The following TAF12 variants were observed in gnomAD, a reference collection of about 807,000 sequenced individuals.
The protein encoded by TAF12 is TATA-box binding protein associated factor 12.
TAF12 carries 3 observed loss-of-function variants against 20.8 expected under a neutral mutation model. The observed-to-expected ratio is 0.14, with a 90% CI of 0.07 to 0.37. The LOEUF (loss-of-function observed/expected upper bound fraction) is 0.37. TAF12 is among the 10% of genes least tolerant of loss of function. The pLI is 1.00. For synonymous variants in TAF12, 69 were observed against 70.2 expected, an observed-to-expected ratio of 0.98 and a Z score of 0.09; for missense variants, 131 against 197.9, an observed-to-expected ratio of 0.66 and a Z score of 2.03.
intron 4 of TAF12, among the ~76,000 whole-genome samples, chr1:28,608,803 T>TG (rs1399654519): frequency 6.6e-6 from 1 of 151,416 alleles, no homozygotes; most frequent in African/African-American, 2.4e-5. Flanking sequence ...CCAGGCGTGG[T>TG]GGGAGGGCGC....
At chr1:28,606,192 T>C (rs938647368) in intron 4 of TAF12, among the ~76,000 whole-genome samples, 5 of 151,796 alleles carry the variant, frequency 3.3e-5, no homozygotes, top group African/African-American at 9.7e-5. Context: ...AGAGATGGGG[T>C]TTCACCATCT....
intron 1 of TAF12, among the ~76,000 whole-genome samples, chr1:28,637,662 C>T (rs567435207): frequency 3.3e-5 from 5 of 152,158 alleles, no homozygotes; most frequent in Non-Finnish European, 7.4e-5. Flanking sequence ...AAGACTCCGT[C>T]TCCAGAAAAA....
At chr1:28,611,337 A>G (rs1257264980) in intron 4 of TAF12, among the ~76,000 whole-genome samples, 1 of 152,138 alleles carries the variant, frequency 6.6e-6, no homozygotes, top group Non-Finnish European at 1.5e-5. Context: ...GGCATCAGAC[A>G]CGGAAGATAT....
At chr1:28,626,597 A>G (rs1667404841) in intron 1 of TAF12, among the ~76,000 whole-genome samples, 1 of 151,330 alleles carries the variant, frequency 6.6e-6, no homozygotes, top group Non-Finnish European at 1.5e-5. Flanking sequence ...AAAAAAAAAA[A>G]AAGCAAATAA....
chr1:28,603,488 G>A lies in TAF12; in HGVS notation c.*51C>T. On this transcript the variant is annotated 3_prime_UTR_variant, in exon 6 of 6. Transcript: ENST00000373824. ...CAAGGATGAGATGGCTGAGTTCTCA[G>A]CTCAAGTATCTCCAAATACATTGCT... The A allele has an allele frequency of 1.2e-6, 2 of 1,602,238 alleles. No individual in the cohort carries two copies. Among genetic ancestry groups the A allele is most frequent in the East Asian group, 4.5e-5 (2 of 44,810 alleles).
At position 28,622,021 on chromosome 1, in the gene TAF12, C is replaced by G; in HGVS notation, c.61G>C (p.Glu21Gln). 1 of 1,613,930 alleles carries G rather than the reference C, an allele frequency of 6.2e-7. No individual in the cohort carries two copies. Among genetic ancestry groups the G allele is most frequent in the South Asian group, 1.1e-5 (1 of 91,058 alleles). The stretch of plus-strand genomic sequence containing the variant: ...CCTTGTGGAGGGGTGCTGGCTGGTT[C>G]CGGTTTTATGGATGAGAAATTGGAG... Reference protein sequence around the residue: ...NLSNFSSIKPEPASTPPQGSM... With the variant: ...NLSNFSSIKPQPASTPPQGSM... The change falls in exon 2 of 6, where the codon GAA (glutamate) becomes CAA (glutamine). Residue 21 changes from glutamate (E) to glutamine (Q), a missense_variant. By Grantham distance (29) the Glu-to-Gln change is conservative. This residue lies in a region of TAF12 where 63 missense variants were observed against 72.1 expected (regional missense o/e 0.87). Coordinates refer to ENST00000373824, the MANE Select transcript of TAF12 (RefSeq NM_005644.4).
intron 1 of TAF12, among the ~76,000 whole-genome samples, chr1:28,623,693 C>T (rs1343389092): frequency 1.3e-5 from 2 of 152,172 alleles, no homozygotes; most frequent in Non-Finnish European, 2.9e-5. Flanking sequence ...TTCAAACATG[C>T]TTAAGTCTAT....
rs141865240 is a variant in TAF12 at position 28,610,056 on chromosome 1, G to A, written c.361+3191C>T. ...CAGTGGCAAGATCTTGGCTCACTGCGACCTCCACCCCACCAGGTTCAAGTG... is the reference window on the plus strand; with the variant it reads ...CAGTGGCAAGATCTTGGCTCACTGCAACCTCCACCCCACCAGGTTCAAGTG... On this transcript the variant is annotated intron_variant, in intron 4 of 5. Transcript: ENST00000373824. Among the ~76,000 whole-genome samples the A allele has an allele frequency of 2.9e-3, 434 of 151,358 alleles. 1 individual carries two copies. Among genetic ancestry groups the A allele is most frequent in the African/African-American group, 9.9e-3 (410 of 41,256 alleles).
chr1:28,632,871 T>C (rs1024843255), intron 1 of TAF12, among the ~76,000 whole-genome samples: 3 of 151,994 alleles, frequency 2.0e-5, no homozygotes, highest in African/African-American at 7.3e-5. Flanking sequence ...TTTTAAAAAA[T>C]ATGTATTTTT....
At chr1:28,636,818 C>A (rs1358735150) in intron 1 of TAF12, among the ~76,000 whole-genome samples, 1 of 151,494 alleles carries the variant, frequency 6.6e-6, no homozygotes, top group Non-Finnish European at 1.5e-5. Context: ...AAAAAAAAAT[C>A]AACATACTGC....
chr1:28,630,236 A>C (rs1395167509), intron 1 of TAF12, among the ~76,000 whole-genome samples: 4 of 152,156 alleles, frequency 2.6e-5, no homozygotes, highest in South Asian at 2.1e-4. Flanking sequence ...ACAAGCCTCC[A>C]TGCCCAGCCT....
intron 1 of TAF12, among the ~76,000 whole-genome samples, chr1:28,637,288 C>A (rs181081148): frequency 6.6e-6 from 1 of 151,916 alleles, no homozygotes; most frequent in Non-Finnish European, 1.5e-5. Context: ...CACCCAGGCT[C>A]GAGCGCAGTG....
intron 3 of TAF12, 75 bp downstream of exon 3, chr1:28,617,878 C>G: frequency 7.1e-7 from 1 of 1,410,576 alleles, no homozygotes; most frequent in East Asian, 2.3e-5. Context: ...CTGCATCTGG[C>G]CTGTTTGTGC....
At chr1:28,605,750 C>T (rs763438975) in intron 4 of TAF12, among the ~76,000 whole-genome samples, 1 of 152,152 alleles carries the variant, frequency 6.6e-6, no homozygotes, top group Non-Finnish European at 1.5e-5. Flanking sequence ...CCTGGCCTCC[C>T]AAGTAGCTGG....
chr1:28,640,034 G>C (rs535291360), intron 1 of TAF12, among the ~76,000 whole-genome samples: 17 of 152,180 alleles, frequency 1.1e-4, no homozygotes, highest in African/African-American at 4.1e-4. Context: ...GTAGAGACGG[G>C]GTTTTGCCAT....
chr1:28,637,554 A>G (rs1667879198), intron 1 of TAF12, among the ~76,000 whole-genome samples: 1 of 151,826 alleles, frequency 6.6e-6, no homozygotes, highest in Non-Finnish European at 1.5e-5. Context: ...AGTCCCAGCT[A>G]CTCGGGAGGC....
In TAF12 at chr1:28,627,420, G is replaced by A. The variant is rs527856773; in HGVS notation, c.-84-5255C>T. ...AAAAAAAAAAAAAAAGAGGCCGGGC[G>A]CGGTGGCTCACGCTTGTAATCCCAG... On this transcript the variant is annotated intron_variant, in intron 1 of 5. Transcript: ENST00000373824. Among the ~76,000 whole-genome samples the A allele has an allele frequency of 7.1e-4, 107 of 150,126 alleles. No individual in the cohort carries two copies. The East Asian group carries it at 7.6e-3, about 11-fold the overall frequency.
intron 3 of TAF12, among the ~76,000 whole-genome samples, chr1:28,616,289 G>A (rs1009541920): frequency 1.3e-5 from 2 of 151,672 alleles, no homozygotes; most frequent in African/African-American, 4.8e-5. Flanking sequence ...CCAGCTACTC[G>A]GGAGGCTGAG....
intron 2 of TAF12, 102 bp from the exon 3 acceptor site, chr1:28,618,132 TC>T: frequency 9.1e-7 from 1 of 1,099,846 alleles, no homozygotes; most frequent in Non-Finnish European, 1.3e-6. Context: ...GGTTTTAGTT[TC>T]CACTTTCCAA....
Sources: allele counts gnomAD v4.1 joint callset (sites outside exome capture counted in the v4.1 genomes callset), GRCh38; gene constraint gnomAD v4.1.1; regional missense constraint gnomAD v4.1.1; transcripts MANE v1.5; gene names NCBI Gene and HGNC (gene_info 2026-07-23, HGNC 2026-07-21).